TRIM22: variants seen among roughly 807,000 people sequenced by gnomAD.
TRIM22 encodes the protein tripartite motif containing 22.
In TRIM22, 45 loss-of-function variants were observed where a neutral mutation model predicts 53.6. That is an observed-to-expected ratio of 0.84 (90% CI 0.66 to 1.08). TRIM22 has a LOEUF of 1.08. Ranked by LOEUF, TRIM22 falls within the 50% of genes least tolerant of loss-of-function variation. TRIM22 has a pLI of 0.00. For synonymous variants in TRIM22, 225 were observed against 216.6 expected (o/e 1.04, Z -0.34); for missense variants, 616 against 590.9 (o/e 1.04, Z -0.44).
At chr11:5,708,553 T>G in intron 6 of TRIM22, 24 bp from the exon 7 acceptor site, 1 of 1,597,754 alleles carries the variant, frequency 6.3e-7, no homozygotes, top group Non-Finnish European at 8.5e-7. Context: ...TCTAACAACA[T>G]CACTGAAACT....
At chr11:5,700,519 T>C (rs1350309761) in intron 4 of TRIM22, among the ~76,000 whole-genome samples, 8 of 149,796 alleles carry the variant, frequency 5.3e-5, no homozygotes, top group Non-Finnish European at 1.2e-4. Context: ...TCCTTTCCTT[T>C]TTTCTGACCT....
intron 1 of TRIM22, among the ~76,000 whole-genome samples, chr11:5,694,042 G>A (rs1853219204): frequency 1.3e-5 from 2 of 152,160 alleles, no homozygotes; most frequent in Non-Finnish European, 1.5e-5. Context: ...TATTCCTTGT[G>A]TATAAATGTC....
At position 5,709,764 on chromosome 11, in the gene TRIM22, T is replaced by A; in HGVS notation, c.*116T>A. ...CTTCCTTTCTTTCCCCTTCTTTTACTTAGAATGTCTTTGTATTCATTTGCT... is the reference window on the plus strand; with the variant it reads ...CTTCCTTTCTTTCCCCTTCTTTTACATAGAATGTCTTTGTATTCATTTGCT... On this transcript the variant is annotated 3_prime_UTR_variant, in exon 8 of 8. Transcript: ENST00000379965. 2 of 912,114 alleles carry A rather than the reference T, an allele frequency of 2.2e-6. No individual in the cohort carries two copies. Among genetic ancestry groups the A allele is most frequent in the Non-Finnish European group, 3.3e-6 (2 of 601,178 alleles). 56.5% of individuals were successfully genotyped at this position (912,114 alleles called of 1,614,324 possible).
At chr11:5,690,215 TCAAA>T (rs1164677654) in intron 1 of TRIM22, among the ~76,000 whole-genome samples, 1 of 152,202 alleles carries the variant, frequency 6.6e-6, no homozygotes, top group Non-Finnish European at 1.5e-5. Flanking sequence ...AGACGAGCAC[TCAAA>T]CAAAGGATTT....
intron 1 of TRIM22, among the ~76,000 whole-genome samples, chr11:5,693,970 T>A (rs546020619): frequency 4.6e-4 from 70 of 152,294 alleles, no homozygotes; most frequent in African/African-American, 1.3e-3. Flanking sequence ...CCTGGAAACC[T>A]TTAGCATTCC....
Position 5,698,508 on chromosome 11 carries a change from A to T in TRIM22, c.713A>T (p.Gln238Leu). Reference sequence around the variant, plus strand: ...GCCAGCACGCTCATCTCAGATCTCCAGCGGAGGTTGAGGGGATCGTCAGTA... The same window carrying T: ...GCCAGCACGCTCATCTCAGATCTCCTGCGGAGGTTGAGGGGATCGTCAGTA... ...QDASTLISDL[Q>L]RRLRGSSVEM... Residue 238 changes from glutamine to leucine, a missense_variant, in exon 4 of 8, where the codon CAG becomes CTG. Coordinates refer to ENST00000379965, the MANE Select transcript of TRIM22 (RefSeq NM_006074.5). 1.9e-6 allele frequency: 3 copies of T among 1,613,948 alleles called. No homozygotes were observed. Among genetic ancestry groups the T allele is most frequent in the Non-Finnish European group, 2.5e-6 (3 of 1,179,864 alleles).
intron 4 of TRIM22, among the ~76,000 whole-genome samples, chr11:5,703,487 G>A (rs12284814): frequency 0.084 from 12,750 of 151,774 alleles, 555 homozygotes; most frequent in African/African-American, 0.11. Context: ...CCGGGTTCAG[G>A]CCATTCTCCT....
At position 5,708,293 on chromosome 11, in the gene TRIM22, G is replaced by C. The variant is rs1853496017; in HGVS notation, c.874+20G>C. On this transcript the variant is annotated intron_variant, in intron 6 of 7. Transcript: ENST00000379965. The stretch of plus-strand genomic sequence containing the variant: ...TTAAAGGTAAGGGGATTCAGGGGAA[G>C]GCTGTGAATGTGGATTTCTTAGTAT... 6.2e-7 allele frequency: 1 copy of C among 1,600,576 alleles called. No homozygotes were observed. The highest frequency in any genetic ancestry group is 1.3e-5 in the African/African-American group (1 of 74,650).
rs758086864 is a variant in TRIM22 at position 5,708,569 on chromosome 11, C to A, written c.875-8C>A. 8 of 1,601,640 alleles carry A rather than the reference C, an allele frequency of 5.0e-6. No homozygotes were observed. In the South Asian group the frequency reaches 5.7e-5, roughly 11 times the overall value. On this transcript the variant is annotated splice_region_variant and splice_polypyrimidine_tract_variant and intron_variant, in intron 6 of 7. Transcript: ENST00000379965. ...CTAACAACATCACTGAAACTTTTGT[C>A]GTTTCAGAGCTGACAGATGTCCAGT...
At chr11:5,702,837 GT>G (rs1256142817) in intron 4 of TRIM22, among the ~76,000 whole-genome samples, 1 of 151,856 alleles carries the variant, frequency 6.6e-6, no homozygotes, top group East Asian at 1.9e-4. Context: ...GTCTTTTAAC[GT>G]TTATGGCAAA....
chr11:5,703,262 T>C (rs989206589), intron 4 of TRIM22, among the ~76,000 whole-genome samples: 1 of 152,236 alleles, frequency 6.6e-6, no homozygotes, highest in Non-Finnish European at 1.5e-5. Context: ...GTATGCTCAA[T>C]AGTTAGCTTC....
intron 4 of TRIM22, among the ~76,000 whole-genome samples, chr11:5,699,931 T>C (rs1340196734): frequency 6.6e-6 from 1 of 152,012 alleles, no homozygotes; most frequent in Non-Finnish European, 1.5e-5. Context: ...CAATTCTTCA[T>C]TGCTGGCACA....
At chr11:5,704,353 T>A (rs1377549923) in intron 4 of TRIM22, among the ~76,000 whole-genome samples, 1 of 152,196 alleles carries the variant, frequency 6.6e-6, no homozygotes, top group African/African-American at 2.4e-5. Context: ...TAGGAGGAAG[T>A]AATTCAGACT....
intron 2 of TRIM22, 156 bp downstream of exon 2, chr11:5,696,811 G>A (rs2134174347): frequency 1.3e-6 from 1 of 759,922 alleles, no homozygotes; most frequent in Non-Finnish European, 2.1e-6. Flanking sequence ...TCTGATGCCT[G>A]AAGGACACTG....
At chr11:5,706,159 G>A (rs530636016) in intron 4 of TRIM22, among the ~76,000 whole-genome samples, 36 of 152,248 alleles carry the variant, frequency 2.4e-4, no homozygotes, top group Middle Eastern at 6.8e-3. Flanking sequence ...AAATATTAGA[G>A]CTCCTCCCTC....
chr11:5,696,197 A>AGAGTCAAGACAGAAGG lies in TRIM22; in HGVS notation c.-35_-20dup. On this transcript the variant is annotated 5_prime_UTR_variant, in exon 2 of 8. Transcript: ENST00000379965. Reference sequence around the variant, plus strand: ...CAGGAGTTTGTGACCAAGAACTTCAAGAGTCAAGACAGAAGGAAGCCAAGG... The same window carrying AGAGTCAAGACAGAAGG: ...CAGGAGTTTGTGACCAAGAACTTCAAGAGTCAAGACAGAAGGGAGTCAAGACAGAAGGAAGCCAAGG... 1 of 1,557,698 alleles carries AGAGTCAAGACAGAAGG rather than the reference A, an allele frequency of 6.4e-7. No homozygotes were observed. Among genetic ancestry groups the AGAGTCAAGACAGAAGG allele is most frequent in the Non-Finnish European group, 8.7e-7 (1 of 1,153,718 alleles).
intron 4 of TRIM22, among the ~76,000 whole-genome samples, chr11:5,699,033 T>C (rs1396600740): frequency 6.6e-6 from 1 of 152,222 alleles, no homozygotes; most frequent in Non-Finnish European, 1.5e-5. Context: ...TATATTGCAG[T>C]ATGTATCAGC....
intron 2 of TRIM22, 33 bp downstream of exon 2, chr11:5,696,688 G>A (rs1426055113): frequency 6.3e-7 from 1 of 1,576,054 alleles, no homozygotes; most frequent in Admixed American, 1.7e-5. Flanking sequence ...AGAGAGCAGA[G>A]AGCAGAAGAT....
intron 1 of TRIM22, among the ~76,000 whole-genome samples, chr11:5,695,250 G>A (rs1307049132): frequency 6.6e-6 from 1 of 152,186 alleles, no homozygotes; most frequent in Non-Finnish European, 1.5e-5. Context: ...GTCCTTCTAA[G>A]AAGAGGACTT....
Sources: allele counts gnomAD v4.1 joint callset (sites outside exome capture counted in the v4.1 genomes callset), GRCh38; gene constraint gnomAD v4.1.1; transcripts MANE v1.5; gene names NCBI Gene and HGNC (gene_info 2026-07-23, HGNC 2026-07-21).